DENND4C: variants seen among roughly 807,000 people sequenced by gnomAD.
DENND4C encodes DENN domain containing 4C, also known as DENN domain-containing protein 4C.
A neutral mutation model predicts 203.0 loss-of-function variants in DENND4C; 108 were observed. The ratio of observed to expected loss-of-function variants is 0.53; its 90% CI spans 0.46 to 0.62. The LOEUF (loss-of-function observed/expected upper bound fraction) is 0.62. Among genes scored for constraint, DENND4C ranks in the 20% least tolerant of loss-of-function variants. The pLI is 0.00. For missense variants in DENND4C, 2,481 were observed against 2,301.2 expected (o/e 1.08, Z -1.60); for synonymous variants, 871 against 792.4 (o/e 1.10, Z -1.67).
intron 17 of DENND4C, among the ~76,000 whole-genome samples, chr9:19,333,889 A>C (rs537958446): frequency 2.0e-4 from 31 of 152,342 alleles, no homozygotes; most frequent in Admixed American, 6.5e-4. Flanking sequence ...ATAATGTTAC[A>C]GTATATTTAA....
intron 1 of DENND4C, among the ~76,000 whole-genome samples, chr9:19,251,500 T>C (rs1826589136): frequency 6.6e-6 from 1 of 152,228 alleles, no homozygotes; most frequent in Admixed American, 6.5e-5. Context: ...CTTCGTTACT[T>C]ATGTAAATTT....
In DENND4C at chr9:19,244,100, G is replaced by A. The variant is rs1015376316; in HGVS notation, c.-18+13267G>A. Among the ~76,000 whole-genome samples, 5 of 151,822 alleles carry A rather than the reference G, an allele frequency of 3.3e-5. No homozygotes were observed. The South Asian group carries it at 8.3e-4, about 25-fold the overall frequency. On this transcript the variant is annotated intron_variant, in intron 1 of 32. Transcript: ENST00000434457. ...GGCTGAAGTGCAGTGGCGCAATCTC[G>A]GCTCACTGCCGCCTCCGCCTCCCGG... is the stretch of plus-strand genomic sequence containing the variant.
At position 19,348,328 on chromosome 9, in the gene DENND4C, G is replaced by A. The variant is rs369339858; in HGVS notation, c.4317+1242G>A. Among the ~76,000 whole-genome samples, 67 of 152,260 alleles carry A rather than the reference G, an allele frequency of 4.4e-4. 1 individual carries two copies. In the South Asian group the frequency reaches 0.011, roughly 26 times the overall value. On this transcript the variant is annotated intron_variant, in intron 23 of 32. Transcript: ENST00000434457. ...GAGTCCATGCTCTTACCTTAGAAGC[G>A]ATATCTCAGGAGAAGATACCAAAGA... is the stretch of plus-strand genomic sequence containing the variant.
At chr9:19,333,438 G>T (rs1819728850) in intron 17 of DENND4C, among the ~76,000 whole-genome samples, 1 of 152,130 alleles carries the variant, frequency 6.6e-6, no homozygotes, top group Non-Finnish European at 1.5e-5. Context: ...CTTGTACATT[G>T]TGTAGGATGT....
intron 28 of DENND4C, 136 bp from the exon 29 acceptor site, chr9:19,360,108 A>C (rs1160335018): frequency 3.5e-6 from 3 of 848,040 alleles, no homozygotes; most frequent in Non-Finnish European, 5.4e-6. Context: ...ATTCATTAGC[A>C]TATTCTCTTG....
intron 24 of DENND4C, among the ~76,000 whole-genome samples, 175 bp downstream of exon 24, chr9:19,351,054 C>T (rs1000729042): frequency 3.9e-5 from 6 of 151,962 alleles, no homozygotes; most frequent in African/African-American, 1.2e-4. Context: ...TGAGCCACAG[C>T]GCCTGGCCTG....
chr9:19,281,485 A>G (rs1834030124), intron 2 of DENND4C, among the ~76,000 whole-genome samples: 2 of 152,214 alleles, frequency 1.3e-5, no homozygotes, highest in African/African-American at 4.8e-5. Context: ...CTGGAAATAC[A>G]GACACCCATC....
rs1821497554 is a variant in DENND4C at position 19,340,994 on chromosome 9, G to A, written c.2884G>A (p.Gly962Ser). The change falls in exon 21 of 33, where the codon GGT becomes AGT. Residue 962 changes from glycine (G) to serine (S), a missense_variant and splice_region_variant. Gly to Ser is a moderately conservative substitution (Grantham distance 56). Transcript: ENST00000434457. ...ESIDNHSSTGGQSDQGYGSKD... is the reference protein window; with the variant it reads ...ESIDNHSSTGSQSDQGYGSKD... The stretch of plus-strand genomic sequence containing the variant: ...TAAGTCTGCATTCTTTTTAACAGGT[G>A]GTCAGTCTGACCAAGGATACGGGTC... The A allele has an allele frequency of 1.9e-6, 3 of 1,598,654 alleles. No homozygotes were observed. The highest frequency in any genetic ancestry group is 1.4e-5 in the African/African-American group (1 of 74,028).
At chr9:19,343,687 C>G (rs1822177466) in intron 22 of DENND4C, among the ~76,000 whole-genome samples, 1 of 152,170 alleles carries the variant, frequency 6.6e-6, no homozygotes. Context: ...ATTTTCCTAA[C>G]CTCTTGATAG....
At position 19,336,746 on chromosome 9, in the gene DENND4C, G is replaced by A. The variant is rs1563816994; in HGVS notation, c.2795G>A (p.Ser932Asn). The A allele has an allele frequency of 6.4e-7, 1 of 1,551,056 alleles. No homozygotes were observed. Among genetic ancestry groups the A allele is most frequent in the African/African-American group, 1.4e-5 (1 of 73,160 alleles). Reference sequence around the variant, plus strand: ...ACGGTGAGCCACGGTAGTGTGGATAGTTCTAATGATGCTAACAATGGGGAG... The same window carrying A: ...ACGGTGAGCCACGGTAGTGTGGATAATTCTAATGATGCTAACAATGGGGAG... ...GDTVSHGSVD[S>N]SNDANNGEHT... Residue 932 changes from serine (S) to asparagine (N), a missense_variant, in exon 20 of 33, where the codon AGT becomes AAT. This residue lies in a region of DENND4C where 2,289 missense variants were observed against 2,113.3 expected (regional missense o/e 1.08). Coordinates refer to ENST00000434457, the MANE Select transcript of DENND4C (RefSeq NM_001330640.2).
At chr9:19,268,086 GT>G in intron 1 of DENND4C, among the ~76,000 whole-genome samples, 1 of 143,582 alleles carries the variant, frequency 7.0e-6, no homozygotes. Flanking sequence ...TTGTGTATGT[GT>G]TGTAGGTTTT....
intron 29 of DENND4C, among the ~76,000 whole-genome samples, chr9:19,361,302 A>G (rs2132220529): frequency 6.6e-6 from 1 of 152,296 alleles, no homozygotes; most frequent in African/African-American, 2.4e-5. Context: ...AAGGTGACAT[A>G]CCTAATAAGT....
chr9:19,274,299 T>C (rs1193112225), intron 1 of DENND4C, among the ~76,000 whole-genome samples: 1 of 151,898 alleles, frequency 6.6e-6, no homozygotes, highest in Non-Finnish European at 1.5e-5. Context: ...ATATGTTTCT[T>C]TCTTTTTTTT....
At chr9:19,263,696 C>T (rs1829896649) in intron 1 of DENND4C, among the ~76,000 whole-genome samples, 2 of 150,966 alleles carry the variant, frequency 1.3e-5, no homozygotes, top group Admixed American at 1.3e-4. Flanking sequence ...CTCTTGTCAC[C>T]CAGGCTGAAG....
chr9:19,252,816 A>G (rs1190724948), intron 1 of DENND4C, among the ~76,000 whole-genome samples: 1 of 151,862 alleles, frequency 6.6e-6, no homozygotes, highest in East Asian at 1.9e-4. Flanking sequence ...GCTCACTGCA[A>G]CCTCTGCCTC....
chr9:19,316,705 T>C lies in DENND4C; in HGVS notation c.1673T>C (p.Leu558Pro). The C allele has an allele frequency of 6.2e-7, 1 of 1,614,082 alleles. No individual in the cohort carries two copies. The highest frequency in any genetic ancestry group is 8.5e-7 in the Non-Finnish European group (1 of 1,179,998). Reference sequence around the variant, plus strand: ...TCCTGGCAAAAGAAGATGACACAGCTTGAGATGGAAATTCAAGAGGCATTT... The same window carrying C: ...TCCTGGCAAAAGAAGATGACACAGCCTGAGATGGAAATTCAAGAGGCATTT... Reference protein sequence around the residue: ...DFSWQKKMTQLEMEIQEAFLR... With the variant: ...DFSWQKKMTQPEMEIQEAFLR... The change falls in exon 12 of 33, where the codon CTT (leucine) becomes CCT (proline). Residue 558 changes from leucine to proline, a missense_variant. Leu to Pro is a moderately conservative substitution (Grantham distance 98, BLOSUM62 -3). Around this residue, in one of 3 missense-constraint regions of DENND4C, gnomAD observed 2,289 missense variants for 2,113.3 expected, o/e 1.08. Coordinates refer to ENST00000434457, the MANE Select transcript of DENND4C (RefSeq NM_001330640.2).
intron 30 of DENND4C, among the ~76,000 whole-genome samples, chr9:19,367,664 A>C (rs1465304332): frequency 6.6e-6 from 1 of 152,212 alleles, no homozygotes; most frequent in Non-Finnish European, 1.5e-5. Flanking sequence ...ACTTGAACCC[A>C]GGGAGGCAGA....
intron 4 of DENND4C, 149 bp downstream of exon 4, chr9:19,288,814 G>C (rs1006579012): frequency 2.4e-6 from 1 of 423,290 alleles, no homozygotes; most frequent in African/African-American, 2.0e-5. Context: ...ATAAAGATAT[G>C]TGTTTTCTTA....
At chr9:19,321,830 TCAA>T (rs1842932895) in intron 12 of DENND4C, among the ~76,000 whole-genome samples, 1 of 84,752 alleles carries the variant, frequency 1.2e-5, no homozygotes, top group African/African-American at 5.5e-5. Flanking sequence ...AGACTCCATC[TCAA>T]AAAAAAAAAA....
Sources: gnomAD v4.1 joint callset for allele counts (sites outside exome capture counted in the v4.1 genomes callset) on GRCh38, gnomAD v4.1.1 for gene constraint, gnomAD v4.1.1 regional missense constraint, MANE v1.5 for transcripts, NCBI Gene and HGNC (gene_info 2026-07-23, HGNC 2026-07-21) for gene names.